Variants in RASGRF1 observed in about 807,000 individuals in gnomAD.
RASGRF1 encodes ras-specific guanine nucleotide-releasing factor 1.
In RASGRF1, 40 loss-of-function variants were observed where a neutral mutation model predicts 138.7. That is an observed-to-expected ratio of 0.29 (90% CI 0.22 to 0.38). RASGRF1 has a LOEUF of 0.38. Ranked by LOEUF, RASGRF1 falls within the 10% of genes least tolerant of loss-of-function variation. The pLI is 1.00. For missense variants in RASGRF1, 1,108 were observed against 1,650.4 expected (o/e 0.67, Z 5.69); for synonymous variants, 614 against 663.2 (o/e 0.93, Z 1.14).
intron 1 of RASGRF1, among the ~76,000 whole-genome samples, chr15:79,080,793 T>C (rs545849908): frequency 6.6e-6 from 1 of 152,340 alleles, no homozygotes; most frequent in Non-Finnish European, 1.5e-5. Context: ...AGAGTATAAA[T>C]GACCTCATTT....
At chr15:78,986,548 T>C (rs2056162724) in intron 22 of RASGRF1, among the ~76,000 whole-genome samples, 1 of 152,092 alleles carries the variant, frequency 6.6e-6, no homozygotes, top group African/African-American at 2.4e-5. Context: ...GGTTTTACCA[T>C]GTTGGCCACG....
In RASGRF1 at chr15:79,061,413, A is replaced by ATATATATATATAT. The variant is rs1567598878; in HGVS notation, c.384-2933_384-2932insATATATATATATA. On this transcript the variant is annotated intron_variant, in intron 2 of 26. Coordinates refer to ENST00000558480, the MANE Select transcript of RASGRF1 (RefSeq NM_001145648.3). ...TAGAAAATTAGAACACTATCTTTAAAATATATATATATATATATCATTCAT... is the reference window on the plus strand; with the variant it reads ...TAGAAAATTAGAACACTATCTTTAAATATATATATATATATATATATATATATATATCATTCAT... Among the ~76,000 whole-genome samples the ATATATATATATAT allele has an allele frequency of 3.8e-3, 447 of 117,034 alleles. 8 individuals carry two copies. Among genetic ancestry groups the ATATATATATATAT allele is most frequent in the African/African-American group, 9.1e-3 (262 of 28,732 alleles). The allele number at this position is 117,034 out of a possible 152,430, so 76.8% of individuals were successfully genotyped here.
At chr15:79,068,490 TATACAC>T (rs753593679) in intron 1 of RASGRF1, among the ~76,000 whole-genome samples, 1 of 66,948 alleles carries the variant, frequency 1.5e-5, no homozygotes, top group African/African-American at 5.5e-5. Context: ...TATATATATA[TATACAC>T]ACACACACGT....
At chr15:79,012,484 C>A (rs1210892327) in intron 13 of RASGRF1, 1 of 1,573,118 alleles carries the variant, frequency 6.4e-7, no homozygotes, top group Non-Finnish European at 8.7e-7. Context: ...GGACGGAGAC[C>A]CCACCTGCTC....
rs992024860 is a variant in RASGRF1, at chr15:79,028,516, G to A, written c.1263-657C>T. On this transcript the variant is annotated intron_variant, in intron 8 of 26. Transcript: ENST00000558480. ...AGACAACTCCCCTATTTCGCTCTCC[G>A]ACTGCTGTAATACCCCTCCTCTCCA... 8.5e-5 allele frequency among the ~76,000 whole-genome samples: 13 copies of A among 152,152 alleles called. No individual in the cohort carries two copies. In the South Asian group the frequency reaches 2.5e-3, roughly 29 times the overall value.
chr15:79,040,630 T>C (rs2057285197), intron 5 of RASGRF1, among the ~76,000 whole-genome samples: 1 of 146,154 alleles, frequency 6.8e-6, no homozygotes, highest in Non-Finnish European at 1.5e-5. Context: ...CTCTTCTACT[T>C]ATCAGAGCGA....
At chr15:79,052,808 G>A (rs1356291413) in intron 3 of RASGRF1, among the ~76,000 whole-genome samples, 1 of 152,172 alleles carries the variant, frequency 6.6e-6, no homozygotes, top group Non-Finnish European at 1.5e-5. Flanking sequence ...CAGGTCTTGG[G>A]AATGGGGGAT....
intron 3 of RASGRF1, 139 bp downstream of exon 3, chr15:79,058,195 C>A (rs916203162): frequency 2.3e-6 from 3 of 1,287,196 alleles, no homozygotes; most frequent in Non-Finnish European, 3.2e-6. Context: ...AGTACCACCA[C>A]GTCCTAAGTT....
At chr15:79,064,614 T>C (rs763556935) in intron 1 of RASGRF1, 88 bp from the exon 2 acceptor site, 9 of 1,215,570 alleles carry the variant, frequency 7.4e-6, no homozygotes, top group Admixed American at 1.7e-5. Context: ...TTTTGCAAAG[T>C]GCCTGCTGCC....
intron 1 of RASGRF1, among the ~76,000 whole-genome samples, chr15:79,074,411 A>G (rs905024946): frequency 2.0e-5 from 3 of 152,198 alleles, no homozygotes; most frequent in Non-Finnish European, 2.9e-5. Flanking sequence ...TATAGTCCAG[A>G]GATACATCCG....
At chr15:78,987,714 C>A (rs1005901615) in intron 22 of RASGRF1, among the ~76,000 whole-genome samples, 3 of 151,394 alleles carry the variant, frequency 2.0e-5, no homozygotes, top group Admixed American at 2.0e-4. Flanking sequence ...CAAAACAAAA[C>A]AAAAAAAACC....
At chr15:78,991,998 C>T (rs2056279807) in intron 20 of RASGRF1, among the ~76,000 whole-genome samples, 1 of 152,138 alleles carries the variant, frequency 6.6e-6, no homozygotes, top group Non-Finnish European at 1.5e-5. Context: ...AGATGGGCCC[C>T]GCCCTGTTGT....
chr15:79,034,772 GA>G (rs937528030), intron 6 of RASGRF1, among the ~76,000 whole-genome samples: 19 of 152,224 alleles, frequency 1.2e-4, no homozygotes, highest in African/African-American at 4.6e-4. Context: ...TCTATGCACA[GA>G]AAAAAATTGG....
intron 15 of RASGRF1, 103 bp downstream of exon 15, chr15:79,003,699 C>T: frequency 6.7e-7 from 1 of 1,483,698 alleles, no homozygotes; most frequent in Non-Finnish European, 8.9e-7. Flanking sequence ...TCCCTTCCTT[C>T]CCCATGGGAG....
intron 26 of RASGRF1, among the ~76,000 whole-genome samples, chr15:78,962,515 G>C (rs1418983258): frequency 2.0e-5 from 3 of 152,214 alleles, no homozygotes; most frequent in African/African-American, 7.2e-5. Context: ...AGATATATGT[G>C]TTCACAATTC....
intron 24 of RASGRF1, among the ~76,000 whole-genome samples, chr15:78,975,515 C>CT (rs55747212): frequency 0.07 from 9,763 of 140,436 alleles, 414 homozygotes; most frequent in African/African-American, 0.11. Flanking sequence ...CTTTCTTTTT[C>CT]TTTTTTTTTT....
At position 78,985,200 on chromosome 15, in the gene RASGRF1, C is replaced by T; in HGVS notation, c.3221G>A (p.Ser1074Asn). The change falls in exon 23 of 27, where the codon AGT (serine) becomes AAT (asparagine). Residue 1074 changes from serine to asparagine, a missense_variant. Ser to Asn is a conservative substitution (Grantham distance 46). Around this residue, in one of 3 missense-constraint regions of RASGRF1, gnomAD observed 686 missense variants for 976.7 expected, o/e 0.70. Coordinates refer to ENST00000558480, the MANE Select transcript of RASGRF1 (RefSeq NM_001145648.3). ...MKTTKHFNDISNLIASEIIRN... is the reference protein window; with the variant it reads ...MKTTKHFNDINNLIASEIIRN... ...GATGATTTCTGAAGCAATCAAGTTACTGATCTTTAAGCCGATGCAATAAGA... is the reference window on the plus strand; with the variant it reads ...GATGATTTCTGAAGCAATCAAGTTATTGATCTTTAAGCCGATGCAATAAGA... The T allele has an allele frequency of 6.2e-7, 1 of 1,600,998 alleles. No individual in the cohort carries two copies. Among genetic ancestry groups the T allele is most frequent in the Non-Finnish European group, 8.6e-7 (1 of 1,168,288 alleles).
chr15:79,010,078 G>A (rs1214073902), intron 13 of RASGRF1, among the ~76,000 whole-genome samples: 5 of 143,552 alleles, frequency 3.5e-5, no homozygotes, highest in African/African-American at 1.3e-4. Flanking sequence ...CCACTCTGTC[G>A]CCCAGTCTGG....
At chr15:78,998,322 G>T in intron 18 of RASGRF1, 114 bp from the exon 19 acceptor site, 1 of 864,502 alleles carries the variant, frequency 1.2e-6, no homozygotes, top group Non-Finnish European at 1.9e-6. Flanking sequence ...AGGGCAGGCT[G>T]ACCTGCCTCA....
Sources: allele counts gnomAD v4.1 joint callset (sites outside exome capture counted in the v4.1 genomes callset), GRCh38; gene constraint gnomAD v4.1.1; regional missense constraint gnomAD v4.1.1; transcripts MANE v1.5; gene names NCBI Gene and HGNC (gene_info 2026-07-23, HGNC 2026-07-21).